CCDC178: variants seen among roughly 807,000 people sequenced by gnomAD.
CCDC178 encodes coiled-coil domain-containing protein 178.
CCDC178 carries 126 observed loss-of-function variants against 117.4 expected under a neutral mutation model. That is an observed-to-expected ratio of 1.07 (90% CI 0.93 to 1.24). The LOEUF is 1.24. Ranked by LOEUF, CCDC178 falls within the 50% of genes most tolerant of loss-of-function variation. CCDC178 has a pLI of 0.00. For missense variants in CCDC178, 1,030 were observed against 986.9 expected (o/e 1.04, Z -0.59); for synonymous variants, 283 against 313.4 (o/e 0.90, Z 1.02).
chr18:33,128,759 T>C (rs1385107052), intron 20 of CCDC178, among the ~76,000 whole-genome samples: 2 of 152,182 alleles, frequency 1.3e-5, no homozygotes, highest in African/African-American at 4.8e-5. Flanking sequence ...ACTAACATTT[T>C]ACCCCGCACC....
chr18:33,108,866 T>TA (rs2057741756), intron 20 of CCDC178, among the ~76,000 whole-genome samples: 1 of 151,650 alleles, frequency 6.6e-6, no homozygotes, highest in African/African-American at 2.4e-5. Context: ...AAATAAAACT[T>TA]TAGTTAGAAA....
At chr18:33,122,677 T>C (rs1239116811) in intron 20 of CCDC178, among the ~76,000 whole-genome samples, 1 of 152,150 alleles carries the variant, frequency 6.6e-6, no homozygotes, top group East Asian at 1.9e-4. Flanking sequence ...TAGCATGGAA[T>C]TCTATCTCCA....
At chr18:32,940,389 CATAAT>C (rs1177581741) in intron 22 of CCDC178, among the ~76,000 whole-genome samples, 11 of 151,860 alleles carry the variant, frequency 7.2e-5, no homozygotes, top group African/African-American at 2.7e-4. Context: ...TATTAGATCT[CATAAT>C]ATAATTTACT....
At chr18:33,208,305 C>G (rs1391051821) in intron 20 of CCDC178, among the ~76,000 whole-genome samples, 2 of 151,976 alleles carry the variant, frequency 1.3e-5, no homozygotes, top group Non-Finnish European at 2.9e-5. Flanking sequence ...GGTCAGCTCC[C>G]CTAAATGTTT....
intron 20 of CCDC178, among the ~76,000 whole-genome samples, chr18:33,183,513 A>T (rs1283771467): frequency 6.6e-6 from 1 of 152,018 alleles, no homozygotes; most frequent in African/African-American, 2.4e-5. Context: ...ACTATAAAAA[A>T]TTGGCACGGT....
At chr18:32,998,495 G>A (rs2055564476) in intron 21 of CCDC178, among the ~76,000 whole-genome samples, 1 of 152,096 alleles carries the variant, frequency 6.6e-6, no homozygotes, top group African/African-American at 2.4e-5. Flanking sequence ...GACACCAGCT[G>A]GAGCAGTCAA....
chr18:33,257,320 T>C (rs2059692931), intron 14 of CCDC178, among the ~76,000 whole-genome samples: 2 of 152,124 alleles, frequency 1.3e-5, no homozygotes, highest in South Asian at 2.1e-4. Context: ...AGTAGACAGA[T>C]ACTTTCTTCC....
intron 4 of CCDC178, 129 bp downstream of exon 4, chr18:33,397,020 A>C: frequency 1.6e-6 from 1 of 637,544 alleles, no homozygotes; most frequent in Non-Finnish European, 2.8e-6. Context: ...GATTATTCTC[A>C]TTGATAGAAC....
intron 21 of CCDC178, among the ~76,000 whole-genome samples, chr18:33,049,195 C>A (rs563198037): frequency 6.6e-6 from 1 of 152,106 alleles, no homozygotes; most frequent in South Asian, 2.1e-4. Flanking sequence ...TTTCAAAAAA[C>A]CCCAACATTT....
chr18:33,058,939 T>C (rs1357384108), intron 21 of CCDC178, among the ~76,000 whole-genome samples: 2 of 152,262 alleles, frequency 1.3e-5, no homozygotes, highest in East Asian at 1.9e-4. Flanking sequence ...GATGAACTGT[T>C]GGAATTTCAT....
chr18:33,210,133 T>A (rs568843646), intron 20 of CCDC178, among the ~76,000 whole-genome samples: 19 of 152,158 alleles, frequency 1.2e-4, no homozygotes, highest in African/African-American at 4.6e-4. Context: ...ATTCAACACA[T>A]ATTTATTGCG....
chr18:33,181,596 G>C (rs147423828), intron 20 of CCDC178, among the ~76,000 whole-genome samples: 206 of 151,946 alleles, frequency 1.4e-3, no homozygotes, highest in African/African-American at 4.8e-3. Context: ...TATATGTATT[G>C]TTCCCACTTT....
intron 14 of CCDC178, among the ~76,000 whole-genome samples, chr18:33,263,454 A>G (rs763153361): frequency 4.6e-4 from 70 of 152,182 alleles, no homozygotes; most frequent in Non-Finnish European, 9.1e-4. Flanking sequence ...TTATACAGCT[A>G]TTTAAATGGT....
At chr18:33,378,586 T>C (rs1244193413) in intron 5 of CCDC178, among the ~76,000 whole-genome samples, 1 of 152,168 alleles carries the variant, frequency 6.6e-6, no homozygotes, top group African/African-American at 2.4e-5. Context: ...CATAGATGGC[T>C]CTCATTATTT....
At chr18:33,280,753 T>G (rs200407270) in intron 12 of CCDC178, among the ~76,000 whole-genome samples, 2 of 152,014 alleles carry the variant, frequency 1.3e-5, no homozygotes, top group Non-Finnish European at 2.9e-5. Context: ...CACATATACA[T>G]GATGGAATAC....
chr18:33,207,914 C>T lies in CCDC178; in HGVS notation c.2238+3982G>A, dbSNP rs918632736. ...TATATTTAGGAATCACCCATATCCA[C>T]GCCCCATCCTTCCTCTATATTCTAG... On this transcript the variant is annotated intron_variant, in intron 20 of 22. Transcript: ENST00000383096. Among the ~76,000 whole-genome samples the T allele has an allele frequency of 1.1e-4, 16 of 151,960 alleles. 1 individual carries two copies. Among genetic ancestry groups the T allele is most frequent in the South Asian group, 2.1e-4 (1 of 4,830 alleles).
intron 12 of CCDC178, among the ~76,000 whole-genome samples, chr18:33,269,642 G>A (rs897735873): frequency 6.6e-5 from 10 of 151,810 alleles, no homozygotes; most frequent in Non-Finnish European, 4.4e-5. Flanking sequence ...CAGCTGAGAA[G>A]AGACTTCATG....
chr18:33,213,558 A>C (rs1264870048), intron 19 of CCDC178, among the ~76,000 whole-genome samples: 2 of 151,958 alleles, frequency 1.3e-5, no homozygotes, highest in Non-Finnish European at 2.9e-5. Flanking sequence ...AAAAACATTG[A>C]TATATTTTGA....
chr18:33,299,750 C>A (rs371560705), intron 11 of CCDC178, among the ~76,000 whole-genome samples: 3 of 135,406 alleles, frequency 2.2e-5, no homozygotes, highest in South Asian at 2.4e-4. Flanking sequence ...CCAGAATATA[C>A]AAGGATTTCA....
Sources: gnomAD v4.1 joint callset for allele counts (sites outside exome capture counted in the v4.1 genomes callset) on GRCh38, gnomAD v4.1.1 for gene constraint, MANE v1.5 for transcripts, NCBI Gene and HGNC (gene_info 2026-07-23, HGNC 2026-07-21) for gene names.